The following B3GAT2 variants were observed in gnomAD, a reference collection of about 807,000 sequenced individuals.
The protein encoded by B3GAT2 is beta-1,3-glucuronyltransferase 2, also known as galactosylgalactosylxylosylprotein 3-beta-glucuronosyltransferase 2.
A neutral mutation model predicts 27.8 loss-of-function variants in B3GAT2; 26 were observed. That is an observed-to-expected ratio of 0.93 (90% CI 0.68 to 1.30). The LOEUF is 1.30. B3GAT2 is among the 50% of genes most tolerant of loss of function. The pLI, the probability that B3GAT2 is intolerant of heterozygous loss-of-function variation, is 0.00. For synonymous variants in B3GAT2, 218 were observed against 195.1 expected (o/e 1.12, Z -0.98); for missense variants, 458 against 459.0 (o/e 1.00, Z 0.02).
chr6:70,934,914 C>T (rs559219239), intron 1 of B3GAT2, among the ~76,000 whole-genome samples: 2 of 152,244 alleles, frequency 1.3e-5, no homozygotes, highest in African/African-American at 2.4e-5. Flanking sequence ...AACCCTGTAA[C>T]ATTTATTGTT....
intron 2 of B3GAT2, among the ~76,000 whole-genome samples, chr6:70,893,728 A>T (rs1035466574): frequency 3.9e-5 from 6 of 152,154 alleles, no homozygotes; most frequent in African/African-American, 1.2e-4. Context: ...AAATTTATCA[A>T]TAAACATGAT....
At chr6:70,942,875 C>G (rs1765416801) in intron 1 of B3GAT2, among the ~76,000 whole-genome samples, 1 of 152,122 alleles carries the variant, frequency 6.6e-6, no homozygotes, top group Admixed American at 6.5e-5. Context: ...TCTTAGATAA[C>G]TGAAATCTCA....
chr6:70,858,831 A>G lies in B3GAT2; in HGVS notation c.*2832T>C, dbSNP rs1340174957. 2 of 152,856 alleles carry G rather than the reference A, an allele frequency of 1.3e-5. No homozygotes were observed. The highest frequency in any genetic ancestry group is 4.8e-5 in the African/African-American group (2 of 41,468). 9.5% of individuals were successfully genotyped at this position (152,856 alleles called of 1,614,324 possible). The stretch of plus-strand genomic sequence containing the variant: ...CCTATAATGACTTTTATGTTTAAAA[A>G]GAGTACAAAAAGATTCAATTCCCAT... On this transcript the variant is annotated 3_prime_UTR_variant, in exon 4 of 4. Coordinates refer to ENST00000230053, the MANE Select transcript of B3GAT2 (RefSeq NM_080742.3).
In B3GAT2 at chr6:70,936,741, T is replaced by C. The variant is rs564665302; in HGVS notation, c.591+19098A>G. ...ACACAACATACCAGAATCTCTGGGA[T>C]ACATTCAAAGCAGTGTGTAGAGGGA... On this transcript the variant is annotated intron_variant, in intron 1 of 3. Coordinates refer to ENST00000230053, the MANE Select transcript of B3GAT2 (RefSeq NM_080742.3). 2.4e-3 allele frequency among the ~76,000 whole-genome samples: 367 copies of C among 151,598 alleles called. 3 individuals carry two copies. Among genetic ancestry groups the C allele is most frequent in the South Asian group, 0.018 (85 of 4,766 alleles).
At chr6:70,892,130 A>C (rs1772299815) in intron 2 of B3GAT2, among the ~76,000 whole-genome samples, 1 of 152,224 alleles carries the variant, frequency 6.6e-6, no homozygotes, top group Admixed American at 6.5e-5. Flanking sequence ...AGAGCAAGGA[A>C]ATAATTCATA....
chr6:70,860,315 G>C lies in B3GAT2; in HGVS notation c.*1348C>G, dbSNP rs1324053926. 1.2e-6 allele frequency: 2 copies of C among 1,610,242 alleles called. No homozygotes were observed. Among genetic ancestry groups the C allele is most frequent in the Non-Finnish European group, 1.7e-6 (2 of 1,178,970 alleles). On this transcript the variant is annotated 3_prime_UTR_variant, in exon 4 of 4. Coordinates refer to ENST00000230053, the MANE Select transcript of B3GAT2 (RefSeq NM_080742.3). Reference sequence around the variant, plus strand: ...GGAAGCTCATCAGGTCAGACTCTCAGCACACAACTGTGGAAATGAAAACTG... The same window carrying C: ...GGAAGCTCATCAGGTCAGACTCTCACCACACAACTGTGGAAATGAAAACTG...
chr6:70,894,046 C>G, intron 2 of B3GAT2, 82 bp downstream of exon 2: 19 of 1,372,064 alleles, frequency 1.4e-5, no homozygotes, highest in Non-Finnish European at 1.8e-5. Flanking sequence ...TCTTTTAAAG[C>G]TTCCTTCATC....
At chr6:70,931,996 C>A (rs999669179) in intron 1 of B3GAT2, among the ~76,000 whole-genome samples, 3 of 151,968 alleles carry the variant, frequency 2.0e-5, no homozygotes, top group Non-Finnish European at 4.4e-5. Context: ...GACAAATGGC[C>A]AATAAGCACA....
chr6:70,939,890 A>G (rs1765360632), intron 1 of B3GAT2, among the ~76,000 whole-genome samples: 1 of 152,054 alleles, frequency 6.6e-6, no homozygotes, highest in Non-Finnish European at 1.5e-5. Context: ...AACTTAAAGT[A>G]TAATAATAAT....
Position 70,955,983 on chromosome 6 carries a change from C to T in B3GAT2, c.447G>A (p.Lys149=). Residue 149 remains lysine, a synonymous_variant, in exon 1 of 4, where the codon AAG becomes AAA. Coordinates refer to ENST00000230053, the MANE Select transcript of B3GAT2 (RefSeq NM_080742.3). ...CAGTGGCGCGCGGCAGCCCGGGCCG[C>T]TTGTAGCGCCGCGGCGTGGGCACGT... ...HLHVPTPRRY[K]RPGLPRATEQ... 1.4e-6 allele frequency: 2 copies of T among 1,460,872 alleles called. No homozygotes were observed. The highest frequency in any genetic ancestry group is 1.8e-6 in the Non-Finnish European group (2 of 1,115,304). 90.5% of individuals were successfully genotyped at this position (1,460,872 alleles called of 1,614,324 possible).
intron 1 of B3GAT2, among the ~76,000 whole-genome samples, chr6:70,896,363 A>G (rs567628407): frequency 2.6e-5 from 4 of 152,298 alleles, no homozygotes; most frequent in East Asian, 3.9e-4. Flanking sequence ...TAAACCACCA[A>G]ACAGGGTTGT....
At chr6:70,947,516 C>T (rs1276541473) in intron 1 of B3GAT2, among the ~76,000 whole-genome samples, 7 of 152,162 alleles carry the variant, frequency 4.6e-5, no homozygotes, top group Admixed American at 3.3e-4. Flanking sequence ...ATACACCCTC[C>T]GAAGACTAAA....
chr6:70,862,885 G>A (rs571302897), intron 2 of B3GAT2, among the ~76,000 whole-genome samples: 91 of 152,266 alleles, frequency 6.0e-4, no homozygotes, highest in Admixed American at 1.8e-3. Context: ...GCTGAGGTGG[G>A]AGGATTGCCT....
chr6:70,864,018 A>T (rs1423123420), intron 2 of B3GAT2, among the ~76,000 whole-genome samples: 9 of 151,880 alleles, frequency 5.9e-5, no homozygotes, highest in Non-Finnish European at 1.5e-5. Flanking sequence ...TAGTGTTAAA[A>T]GATTTCTTGC....
intron 1 of B3GAT2, among the ~76,000 whole-genome samples, chr6:70,900,041 G>A (rs1057292609): frequency 6.6e-6 from 1 of 152,216 alleles, no homozygotes; most frequent in South Asian, 2.1e-4. Flanking sequence ...AGCAATTCAT[G>A]TATTTATAGG....
chr6:70,941,662 T>G (rs926419079), intron 1 of B3GAT2, among the ~76,000 whole-genome samples: 3 of 152,178 alleles, frequency 2.0e-5, no homozygotes, highest in African/African-American at 4.8e-5. Context: ...TTTAAAGGGC[T>G]CAATACAATC....
chr6:70,899,685 T>C (rs2150034069), intron 1 of B3GAT2, among the ~76,000 whole-genome samples: 2 of 152,300 alleles, frequency 1.3e-5, no homozygotes, highest in South Asian at 4.1e-4. Context: ...ACCACTATAC[T>C]ATATAGAGTG....
chr6:70,925,532 G>T (rs1437356737), intron 1 of B3GAT2, among the ~76,000 whole-genome samples: 2 of 152,212 alleles, frequency 1.3e-5, no homozygotes, highest in Non-Finnish European at 2.9e-5. Flanking sequence ...CCACACCTAT[G>T]GAGCCTTGCT....
intron 1 of B3GAT2, among the ~76,000 whole-genome samples, chr6:70,910,350 G>C (rs1202213091): frequency 6.6e-6 from 1 of 152,078 alleles, no homozygotes. Context: ...AGTAGGTCCA[G>C]TGTCCATTAT....
Sources: allele counts gnomAD v4.1 joint callset (sites outside exome capture counted in the v4.1 genomes callset), GRCh38; gene constraint gnomAD v4.1.1; transcripts MANE v1.5; gene names NCBI Gene and HGNC (gene_info 2026-07-23, HGNC 2026-07-21).